Variants in CR1 observed in about 807,000 individuals in gnomAD.
CR1 encodes the protein complement C3b/C4b receptor 1 (Knops blood group).
A neutral mutation model predicts 187.3 loss-of-function variants in CR1; 116 were observed. That is an observed-to-expected ratio of 0.62 (90% CI 0.53 to 0.72). The LOEUF (loss-of-function observed/expected upper bound fraction) is 0.72, where lower values mean the gene tolerates loss of function less well. Ranked by LOEUF, CR1 falls within the 30% of genes least tolerant of loss-of-function variation. The pLI is 0.00. For missense variants in CR1, 1,731 were observed against 2,110.7 expected, an observed-to-expected ratio of 0.82 and a Z score of 3.52; for synonymous variants, 576 against 747.1, an observed-to-expected ratio of 0.77 and a Z score of 3.73.
intron 1 of CR1, among the ~76,000 whole-genome samples, chr1:207,505,018 T>C (rs754409678): frequency 1.3e-5 from 2 of 152,234 alleles, no homozygotes; most frequent in African/African-American, 2.4e-5. Context: ...GAGAATCTAA[T>C]GACTGATGAT....
intron 4 of CR1, among the ~76,000 whole-genome samples, chr1:207,522,535 T>G (rs932859): frequency 0.056 from 8,492 of 152,236 alleles, 804 homozygotes; most frequent in African/African-American, 0.19. Context: ...AGCAGCCCAG[T>G]TGCCAAGCCC....
chr1:207,597,517 G>A (rs1661482649), intron 35 of CR1, among the ~76,000 whole-genome samples: 1 of 152,196 alleles, frequency 6.6e-6, no homozygotes, highest in South Asian at 2.1e-4. Context: ...TTAGTCATTA[G>A]GGAAGTGCAA....
intron 35 of CR1, 90 bp from the exon 36 acceptor site, chr1:207,607,161 T>G (rs753690931): frequency 1.8e-5 from 18 of 999,696 alleles, no homozygotes; most frequent in Middle Eastern, 4.2e-4. Context: ...TGTCCTGTAA[T>G]GTCTAATGTC....
Position 207,574,711 on chromosome 1 carries a change from AGACT to A in CR1, c.4452-879_4452-876del, listed in dbSNP as rs1295912617. 1.1e-4 allele frequency among the ~76,000 whole-genome samples: 17 copies of A among 152,362 alleles called. No individual in the cohort carries two copies. In the South Asian group the frequency reaches 2.5e-3, roughly 22 times the overall value. ...AACTTACATTACAGAAAAGATGAGT[AGACT>A]GACTATATAGAGTTTGACTCTAAAA... is the stretch of plus-strand genomic sequence containing the variant. On this transcript the variant is annotated intron_variant, in intron 27 of 46. Coordinates refer to ENST00000367049, the MANE Select transcript of CR1 (RefSeq NM_000651.6).
chr1:207,574,249 T>C (rs900522938), intron 27 of CR1, among the ~76,000 whole-genome samples: 4 of 152,216 alleles, frequency 2.6e-5, no homozygotes, highest in African/African-American at 4.8e-5. Context: ...GGGAAACTTC[T>C]GTGTTTCAGG....
chr1:207,567,485 C>T (rs1283536438), intron 24 of CR1, among the ~76,000 whole-genome samples: 1 of 150,242 alleles, frequency 6.7e-6, no homozygotes, highest in Non-Finnish European at 1.5e-5. Context: ...AGGGCTGACA[C>T]AGGATAAGTG....
At chr1:207,626,809 G>A (rs12031281) in intron 45 of CR1, among the ~76,000 whole-genome samples, 35,089 of 152,146 alleles carry the variant, frequency 0.23, 4,985 homozygotes, top group East Asian at 0.34. Context: ...AGGCTGAGGC[G>A]GGTGGGTCAC....
At chr1:207,614,184 G>A (rs1034119855) in intron 39 of CR1, among the ~76,000 whole-genome samples, 15 of 152,180 alleles carry the variant, frequency 9.9e-5, no homozygotes, top group African/African-American at 2.9e-4. Flanking sequence ...CAGTCACAGG[G>A]TACCATGGTT....
At chr1:207,524,150 CAGA>C (rs1173867814) in intron 5 of CR1, 141 bp downstream of exon 5, 1 of 1,550,076 alleles carries the variant, frequency 6.5e-7, no homozygotes, top group East Asian at 2.3e-5. Flanking sequence ...ACATGAAATT[CAGA>C]AGGTGTGTGT....
chr1:207,511,812 ACT>A (rs1659629358), intron 4 of CR1, among the ~76,000 whole-genome samples, 158 bp downstream of exon 4: 2 of 151,992 alleles, frequency 1.3e-5, no homozygotes, highest in Admixed American at 6.6e-5. Flanking sequence ...GTTCCTGGCA[ACT>A]CTTTCTTTAA....
rs561357491 is a variant in CR1, at chr1:207,607,157, G to A, written c.5811-94G>A. 83 of 980,912 alleles carry A rather than the reference G, an allele frequency of 8.5e-5. 1 individual carries two copies. In the South Asian group the frequency reaches 1.1e-3, roughly 13 times the overall value. The allele number at this position is 980,912 out of a possible 1,614,324, so 60.8% of individuals were successfully genotyped here. On this transcript the variant is annotated intron_variant, in intron 35 of 46. Transcript: ENST00000367049. ...GGTCTGCCATGGTGTAATCTGTCCT[G>A]TAATGTCTAATGTCTACCTGCTATT...
intron 1 of CR1, among the ~76,000 whole-genome samples, chr1:207,497,947 G>A (rs1659142026): frequency 6.6e-6 from 1 of 152,204 alleles, no homozygotes; most frequent in South Asian, 2.1e-4. Flanking sequence ...TTTTAAAGAA[G>A]TATAAGAGCT....
At chr1:207,509,113 T>C (rs1659538128) in intron 3 of CR1, among the ~76,000 whole-genome samples, 1 of 152,246 alleles carries the variant, frequency 6.6e-6, no homozygotes, top group African/African-American at 2.4e-5. Flanking sequence ...CATTTTTTCC[T>C]AACCTATCCA....
intron 46 of CR1, among the ~76,000 whole-genome samples, chr1:207,638,199 G>C (rs546759750): frequency 6.6e-6 from 1 of 152,206 alleles, no homozygotes; most frequent in Non-Finnish European, 1.5e-5. Flanking sequence ...GGGAATTCCT[G>C]TTGTATGTGA....
At chr1:207,496,694 A>G (rs1347139401) in intron 1 of CR1, among the ~76,000 whole-genome samples, 2 of 152,214 alleles carry the variant, frequency 1.3e-5, no homozygotes, top group African/African-American at 4.8e-5. Flanking sequence ...TTGTGTATTC[A>G]CAGCCTCGGC....
intron 35 of CR1, among the ~76,000 whole-genome samples, chr1:207,597,759 A>G (rs1274068699): frequency 1.3e-5 from 2 of 152,244 alleles, no homozygotes; most frequent in African/African-American, 4.8e-5. Context: ...ATACCTAAAG[A>G]AATTGAAAAC....
chr1:207,526,644 A>G (rs1660182060), intron 5 of CR1, 109 bp from the exon 6 acceptor site: 5 of 1,449,374 alleles, frequency 3.4e-6, no homozygotes, highest in African/African-American at 1.6e-5. Context: ...CTGTTATTCT[A>G]ACTTTATTAT....
intron 1 of CR1, among the ~76,000 whole-genome samples, chr1:207,505,510 A>G (rs1423417430): frequency 6.6e-6 from 1 of 152,046 alleles, no homozygotes; most frequent in East Asian, 1.9e-4. Flanking sequence ...GATCACATCT[A>G]TGAAGTATAT....
At chr1:207,576,587 G>A (rs1266230372) in intron 28 of CR1, among the ~76,000 whole-genome samples, 3 of 152,190 alleles carry the variant, frequency 2.0e-5, no homozygotes, top group Non-Finnish European at 2.9e-5. Flanking sequence ...GGAGGCCTAG[G>A]TGAGCAGATG....
Sources: allele counts gnomAD v4.1 joint callset (sites outside exome capture counted in the v4.1 genomes callset), GRCh38; gene constraint gnomAD v4.1.1; transcripts MANE v1.5; gene names NCBI Gene and HGNC (gene_info 2026-07-23, HGNC 2026-07-21).